TENM1: variants seen among roughly 807,000 people sequenced by gnomAD.
TENM1 encodes teneurin transmembrane protein 1.
Under a neutral mutation model 174.8 loss-of-function variants are expected in TENM1, and 35 were observed. The observed-to-expected ratio is 0.20, with a 90% CI of 0.15 to 0.27. The LOEUF is 0.27. Among genes scored for constraint, TENM1 ranks in the 10% least tolerant of loss-of-function variants. The pLI, the probability that TENM1 is intolerant of heterozygous loss-of-function variation, is 1.00. For synonymous variants in TENM1, 781 were observed against 798.7 expected, an observed-to-expected ratio of 0.98 and a Z score of 0.37; for missense variants, 1,633 against 2,130.1, an observed-to-expected ratio of 0.77 and a Z score of 4.59.
chrX:124,462,161 G>A (rs1016111130), intron 22 of TENM1, among the ~76,000 whole-genome samples: 11 of 109,987 alleles, frequency 1.0e-4, no homozygotes, highest in African/African-American at 2.7e-4. Context: ...TAATGGATGC[G>A]ACTTCTAGGC....
At chrX:125,030,748 G>C in the TENM1 span, among the ~76,000 whole-genome samples, 1 of 111,849 alleles carries the variant, frequency 8.9e-6, no homozygotes, top group African/African-American at 3.2e-5. Context: ...TGCAACAGTT[G>C]CATTAGTTTA....
In TENM1 at chrX:124,500,561, C is replaced by T. The variant is rs144031364; in HGVS notation, c.3445+2999G>A. 5.9e-3 allele frequency among the ~76,000 whole-genome samples: 659 copies of T among 111,712 alleles called. 1 individual carries two copies. The highest frequency in any genetic ancestry group is 0.02 in the African/African-American group (622 of 30,831). The stretch of plus-strand genomic sequence containing the variant: ...ACAACACACATTATTTATGTGAAGG[C>T]CAACTTCCTGCTAAGGATTGGGTAT... On this transcript the variant is annotated intron_variant, in intron 19 of 31. Coordinates refer to ENST00000422452, the Ensembl canonical transcript of TENM1.
At chrX:124,962,733 G>A (rs1284918040) in intron 1 of TENM1, among the ~76,000 whole-genome samples, 1 of 110,679 alleles carries the variant, frequency 9.0e-6, no homozygotes. Context: ...CAGGACAATC[G>A]CTTGAACCTG....
chrX:124,500,020 G>C (rs2047292354), intron 19 of TENM1, among the ~76,000 whole-genome samples: 1 of 111,250 alleles, frequency 9.0e-6, no homozygotes, highest in African/African-American at 3.3e-5. Context: ...CCAGCCTCCT[G>C]GCAATTTTAG....
the TENM1 span, among the ~76,000 whole-genome samples, chrX:125,116,591 C>A: frequency 8.9e-6 from 1 of 112,364 alleles, no homozygotes; most frequent in African/African-American, 3.2e-5. Context: ...ACAGACACTT[C>A]TCAAAAGAAG....
rs955407565 is a variant in TENM1 at position 124,729,174 on chromosome X, T to G, written c.776+7783A>C. On this transcript the variant is annotated intron_variant, in intron 4 of 31. Transcript: ENST00000422452. The stretch of plus-strand genomic sequence containing the variant: ...TAGACTGGGAAGTATATGTGAATAC[T>G]GGATGTTTTTACAGCAGATTAAAGC... Among the ~76,000 whole-genome samples the G allele has an allele frequency of 2.7e-5, 3 of 112,235 alleles. No individual in the cohort carries two copies. In the East Asian group the frequency reaches 8.4e-4, roughly 31 times the overall value.
intron 18 of TENM1, among the ~76,000 whole-genome samples, chrX:124,513,909 G>A (rs16999255): frequency 0.12 from 13,776 of 110,733 alleles, 679 homozygotes; most frequent in Middle Eastern, 0.18. Context: ...GGATCTTTTG[G>A]AAACATTATG....
intron 4 of TENM1, among the ~76,000 whole-genome samples, chrX:124,711,815 C>A (rs2053057271): frequency 9.0e-6 from 1 of 111,651 alleles, no homozygotes; most frequent in African/African-American, 3.3e-5. Flanking sequence ...AACTTTTACA[C>A]CTTGCAAATC....
At chrX:124,658,460 C>T (rs752655333) in intron 6 of TENM1, among the ~76,000 whole-genome samples, 1 of 111,475 alleles carries the variant, frequency 9.0e-6, no homozygotes, top group Non-Finnish European at 1.9e-5. Flanking sequence ...TCAAAACGTA[C>T]AACTTTTTTT....
chrX:124,531,798 G>C (rs773835145), intron 15 of TENM1, among the ~76,000 whole-genome samples: 13 of 112,349 alleles, frequency 1.2e-4, no homozygotes, highest in African/African-American at 4.2e-4. Flanking sequence ...TTGAGTTCTG[G>C]ATTTTGAACT....
intron 23 of TENM1, among the ~76,000 whole-genome samples, chrX:124,442,836 A>AT (rs2060918099): frequency 9.1e-6 from 1 of 109,601 alleles, no homozygotes; most frequent in African/African-American, 3.3e-5. Context: ...TAATGTTTGT[A>AT]TTTTTTGTAG....
intron 1 of TENM1, among the ~76,000 whole-genome samples, chrX:124,932,644 T>G (rs935589606): frequency 9.0e-6 from 1 of 111,640 alleles, no homozygotes; most frequent in Non-Finnish European, 1.9e-5. Context: ...TGAGGATGAA[T>G]AGGATTTGGA....
chrX:124,521,988 C>T (rs1411822018), intron 17 of TENM1, among the ~76,000 whole-genome samples: 1 of 111,865 alleles, frequency 8.9e-6, no homozygotes, highest in Non-Finnish European at 1.9e-5. Context: ...TAGCCTGACA[C>T]TCACCAACTT....
chrX:124,818,814 C>T (rs1210634943), intron 3 of TENM1, among the ~76,000 whole-genome samples: 1 of 111,442 alleles, frequency 9.0e-6, no homozygotes, highest in African/African-American at 3.3e-5. Context: ...GAGAGAGTCA[C>T]CCTCAACCAC....
intron 11 of TENM1, among the ~76,000 whole-genome samples, chrX:124,580,440 A>G (rs753535741): frequency 9.1e-6 from 1 of 109,921 alleles, no homozygotes; most frequent in South Asian, 3.9e-4. Context: ...ATACACATAC[A>G]TATAGATATA....
chrX:125,075,617 C>T, the TENM1 span, among the ~76,000 whole-genome samples: 1 of 111,285 alleles, frequency 9.0e-6, no homozygotes, highest in East Asian at 2.8e-4. Context: ...AACATTTTCC[C>T]TATCCCCAAA....
intron 11 of TENM1, among the ~76,000 whole-genome samples, chrX:124,579,330 G>A (rs1386479696): frequency 9.0e-6 from 1 of 111,659 alleles, no homozygotes; most frequent in Non-Finnish European, 1.9e-5. Flanking sequence ...TGCATCCTTT[G>A]CTACAGACAA....
the TENM1 span, among the ~76,000 whole-genome samples, chrX:125,192,209 G>C: frequency 9.0e-6 from 1 of 110,917 alleles, no homozygotes; most frequent in Non-Finnish European, 1.9e-5. Context: ...ACAAGGCCCT[G>C]AGAAAAAAAA....
chrX:124,595,292 G>A (rs947317434), intron 11 of TENM1, among the ~76,000 whole-genome samples: 6 of 111,954 alleles, frequency 5.4e-5, no homozygotes, highest in African/African-American at 1.9e-4. Flanking sequence ...GGTGATGGAT[G>A]AGTTAATTAA....
Sources: gnomAD v4.1 joint callset for allele counts (sites outside exome capture counted in the v4.1 genomes callset) on GRCh38, gnomAD v4.1.1 for gene constraint, MANE v1.5 for transcripts, NCBI Gene and HGNC (gene_info 2026-07-23, HGNC 2026-07-21) for gene names.